TMEM164: variants seen among roughly 807,000 people sequenced by gnomAD.
The protein encoded by TMEM164 is RP13-360B22.2.
In TMEM164, 4 loss-of-function variants were observed where a neutral mutation model predicts 18.8. The observed-to-expected ratio is 0.21, with a 90% confidence interval of 0.10 to 0.49. TMEM164 has a LOEUF of 0.49. TMEM164 is among the 20% of genes least tolerant of loss of function. The pLI is 0.98. For synonymous variants in TMEM164, 86 were observed against 101.7 expected, an observed-to-expected ratio of 0.85 and a Z score of 0.93; for missense variants, 108 against 239.9, an observed-to-expected ratio of 0.45 and a Z score of 3.63.
chrX:110,081,295 T>G (rs2065753789), intron 3 of TMEM164, among the ~76,000 whole-genome samples: 1 of 111,582 alleles, frequency 9.0e-6, no homozygotes, highest in Admixed American at 9.6e-5. Flanking sequence ...TTGGCTAAGA[T>G]TACTTCGTGG....
At chrX:110,004,615 T>C (rs1461265632) in intron 2 of TMEM164, among the ~76,000 whole-genome samples, 4 of 112,361 alleles carry the variant, frequency 3.6e-5, no homozygotes, top group Non-Finnish European at 5.6e-5. Flanking sequence ...TCATCTACAC[T>C]GTGGTACTTT....
intron 2 of TMEM164, among the ~76,000 whole-genome samples, chrX:110,022,754 T>A (rs1227719875): frequency 8.9e-6 from 1 of 112,065 alleles, no homozygotes; most frequent in Admixed American, 9.4e-5. Flanking sequence ...TTAGATGTGG[T>A]TTCTGCCCCC....
Position 110,084,362 on chromosome X carries a change from G to GTATATATA in TMEM164, c.440+16970_440+16971insTATATATA, listed in dbSNP as rs1244000014. On this transcript the variant is annotated intron_variant, in intron 3 of 6. Coordinates refer to ENST00000372068, the MANE Select transcript of TMEM164 (RefSeq NM_032227.4). ...CTACTAAAAATACTATATATATATA[G>GTATATATA]TATAGTATATATATAGTGTATATAT... Among the ~76,000 whole-genome samples, 22 of 11,238 alleles carry GTATATATA rather than the reference G, an allele frequency of 2.0e-3. 1 individual carries two copies. The highest frequency in any genetic ancestry group is 3.3e-3 in the African/African-American group (18 of 5,484). 9.8% of individuals were successfully genotyped at this position (11,238 alleles called of 115,157 possible).
At chrX:110,078,105 G>T (rs2065699577) in intron 3 of TMEM164, among the ~76,000 whole-genome samples, 2 of 112,134 alleles carry the variant, frequency 1.8e-5, no homozygotes, top group South Asian at 7.3e-4. Flanking sequence ...TGAGTCTTAG[G>T]TTTGGTCTTA....
intron 5 of TMEM164, among the ~76,000 whole-genome samples, chrX:110,152,597 A>G (rs2066959137): frequency 9.0e-6 from 1 of 111,566 alleles, no homozygotes; most frequent in Non-Finnish European, 1.9e-5. Context: ...ATTTGTCCCC[A>G]CACTGTTTAT....
At chrX:110,009,302 C>T (rs961443582) in intron 2 of TMEM164, among the ~76,000 whole-genome samples, 8 of 112,073 alleles carry the variant, frequency 7.1e-5, no homozygotes, top group Non-Finnish European at 1.1e-4. Flanking sequence ...TTCTCCTCTA[C>T]GAAACCTTTC....
intron 2 of TMEM164, chrX:110,055,398 A>C: frequency 8.9e-6 from 3 of 335,532 alleles, no homozygotes; most frequent in Non-Finnish European, 1.8e-5. Context: ...GAATGGCGCC[A>C]CTAGGGTTGT....
chrX:110,150,671 A>C (rs2066926408), intron 5 of TMEM164, among the ~76,000 whole-genome samples: 1 of 112,277 alleles, frequency 8.9e-6, no homozygotes, highest in African/African-American at 3.2e-5. Flanking sequence ...TATACAAGTA[A>C]ATTTTAAAAA....
intron 2 of TMEM164, among the ~76,000 whole-genome samples, chrX:110,021,353 G>A (rs1933836918): frequency 3.6e-5 from 4 of 111,251 alleles, no homozygotes; most frequent in Admixed American, 2.9e-4. Context: ...GCTGGTGGGG[G>A]TGAGGCAGGG....
intron 2 of TMEM164, among the ~76,000 whole-genome samples, chrX:110,034,705 C>A (rs1934687028): frequency 1.8e-5 from 2 of 108,243 alleles, no homozygotes; most frequent in African/African-American, 6.8e-5. Context: ...TTTGACCCAG[C>A]CATCCCATTA....
At chrX:110,078,918 A>G (rs925696893) in intron 3 of TMEM164, among the ~76,000 whole-genome samples, 9 of 112,271 alleles carry the variant, frequency 8.0e-5, no homozygotes, top group Admixed American at 1.9e-4. Flanking sequence ...GATAAAGATA[A>G]AAATTATAAA....
intron 5 of TMEM164, among the ~76,000 whole-genome samples, chrX:110,170,661 T>C (rs1486416052): frequency 4.5e-5 from 5 of 111,543 alleles, no homozygotes; most frequent in Non-Finnish European, 7.5e-5. Flanking sequence ...TTAGCAATGA[T>C]AGAGGGAAAA....
intron 2 of TMEM164, among the ~76,000 whole-genome samples, chrX:110,045,878 C>T (rs1267745796): frequency 1.8e-5 from 2 of 111,644 alleles, no homozygotes; most frequent in Non-Finnish European, 3.8e-5. Flanking sequence ...CCTACAGACA[C>T]CATGAACCCA....
chrX:110,055,506 T>C, intron 2 of TMEM164: 1 of 149,734 alleles, frequency 6.7e-6, no homozygotes. Flanking sequence ...GTCCTCAGGG[T>C]AAGGGGGCTG....
rs2066916802 is a variant in TMEM164 at position 110,149,920 on chromosome X, CACATAT to C, written c.586+5046_586+5051del. Among the ~76,000 whole-genome samples the C allele has an allele frequency of 2.7e-5, 3 of 111,891 alleles. No homozygotes were observed. In the South Asian group the frequency reaches 1.1e-3, roughly 42 times the overall value. The stretch of plus-strand genomic sequence containing the variant: ...CTGTATGCAATGCATCCGTTCATCT[CACATAT>C]ATTAACATATGCCTTCTTCCTGCCA... On this transcript the variant is annotated intron_variant, in intron 5 of 6. Coordinates refer to ENST00000372068, the MANE Select transcript of TMEM164 (RefSeq NM_032227.4).
At chrX:110,161,747 A>G (rs1475785047) in intron 5 of TMEM164, among the ~76,000 whole-genome samples, 2 of 111,862 alleles carry the variant, frequency 1.8e-5, no homozygotes, top group Non-Finnish European at 1.9e-5. Flanking sequence ...TTTCTCCTAT[A>G]TGGTTGGAGG....
intron 2 of TMEM164, among the ~76,000 whole-genome samples, chrX:110,053,477 A>G (rs1048743582): frequency 3.6e-5 from 4 of 111,926 alleles, no homozygotes; most frequent in African/African-American, 1.3e-4. Flanking sequence ...GTTTTAAACA[A>G]TGAGAAAACT....
At position 110,177,326 on chromosome X, in the gene TMEM164, T is replaced by G. The variant is rs1022540804; in HGVS notation, c.*3875T>G. ...TGATAGGCTGATCTGTAATGGTTTC[T>G]GTCAGGAGCTTAGCAAATGCCTCTG... On this transcript the variant is annotated 3_prime_UTR_variant, in exon 7 of 7. Coordinates refer to ENST00000372068, the MANE Select transcript of TMEM164 (RefSeq NM_032227.4). The G allele has an allele frequency of 3.6e-5, 4 of 112,598 alleles. No individual in the cohort carries two copies. Among genetic ancestry groups the G allele is most frequent in the African/African-American group, 1.3e-4 (4 of 30,931 alleles). 9.3% of individuals were successfully genotyped at this position (112,598 alleles called of 1,213,427 possible).
At chrX:110,088,802 C>T (rs2065888155) in intron 3 of TMEM164, among the ~76,000 whole-genome samples, 1 of 112,196 alleles carries the variant, frequency 8.9e-6, no homozygotes, top group Admixed American at 9.5e-5. Flanking sequence ...AGAGCAGGGA[C>T]TGCTTTTATT....
Sources: allele counts gnomAD v4.1 joint callset (sites outside exome capture counted in the v4.1 genomes callset), GRCh38; gene constraint gnomAD v4.1.1; transcripts MANE v1.5; gene names NCBI Gene and HGNC (gene_info 2026-07-23, HGNC 2026-07-21).